Variants in SANBR observed in about 807,000 individuals in gnomAD.
The protein encoded by SANBR is SANT and BTB domain regulator of class switch recombination.
A neutral mutation model predicts 101.8 loss-of-function variants in SANBR; 77 were observed. The ratio of observed to expected loss-of-function variants is 0.76; its 90% CI spans 0.63 to 0.91. The LOEUF is 0.91. SANBR is among the 40% of genes least tolerant of loss of function. The pLI, the probability that SANBR is intolerant of heterozygous loss-of-function variation, is 0.00. For missense variants in SANBR, 875 were observed against 853.0 expected (o/e 1.03, Z -0.32); for synonymous variants, 279 against 274.7 (o/e 1.02, Z -0.15).
chr2:61,068,664 T>C (rs1162454735), intron 1 of SANBR, among the ~76,000 whole-genome samples, 185 bp from the exon 2 acceptor site: 2 of 152,212 alleles, frequency 1.3e-5, no homozygotes, highest in Non-Finnish European at 2.9e-5. Context: ...GCATACTTCA[T>C]TGGAATGTTA....
chr2:61,134,095 TC>T, intron 20 of SANBR: 1 of 1,605,322 alleles, frequency 6.2e-7, no homozygotes, highest in Non-Finnish European at 8.5e-7. Context: ...GGTGTGTATA[TC>T]CATCATGCAT....
In SANBR at chr2:61,123,719, C is replaced by T. The variant is rs533994456; in HGVS notation, c.*1557C>T. 3 of 985,176 alleles carry T rather than the reference C, an allele frequency of 3.0e-6. No homozygotes were observed. Among genetic ancestry groups the T allele is most frequent in the Non-Finnish European group, 3.6e-6 (3 of 829,734 alleles). 61.0% of individuals were successfully genotyped at this position (985,176 alleles called of 1,614,324 possible). On this transcript the variant is annotated 3_prime_UTR_variant, in exon 22 of 22. Coordinates refer to ENST00000402291, the MANE Select transcript of SANBR (RefSeq NM_001129993.3). ...TGATTTTTAACTGATGGTAAAAAGG[C>T]AAACTGCTTCTCCCCTGGGAGGCCT...
intron 20 of SANBR, among the ~76,000 whole-genome samples, 187 bp downstream of exon 20, chr2:61,118,303 G>A (rs1281709231): frequency 1.3e-5 from 2 of 152,110 alleles, no homozygotes; most frequent in African/African-American, 4.8e-5. Flanking sequence ...ATGCAGTGGT[G>A]CAATCTCGGC....
chr2:61,081,525 A>T lies in SANBR; in HGVS notation c.729+15A>T. On this transcript the variant is annotated intron_variant, in intron 7 of 21. Coordinates refer to ENST00000402291, the MANE Select transcript of SANBR (RefSeq NM_001129993.3). ...TGGATTCACTAGTAAGTATTGACTT[A>T]AAAAAAATCAAAGTGCTTCTGTTCA... is the stretch of plus-strand genomic sequence containing the variant. 2 of 1,523,026 alleles carry T rather than the reference A, an allele frequency of 1.3e-6. No homozygotes were observed. The highest frequency in any genetic ancestry group is 1.4e-5 in the African/African-American group (1 of 69,402). The allele number at this position is 1,523,026 out of a possible 1,614,324, so 94.3% of individuals were successfully genotyped here. A position where few individuals can be genotyped will look rare whatever the true frequency, so the allele number is the denominator to read the frequency against.
chr2:61,094,421 G>A (rs571675519), intron 11 of SANBR, among the ~76,000 whole-genome samples: 1 of 152,234 alleles, frequency 6.6e-6, no homozygotes, highest in African/African-American at 2.4e-5. Flanking sequence ...AATAATGGAT[G>A]TAAAATCTAT....
intron 11 of SANBR, chr2:61,094,099 C>T: frequency 1.0e-5 from 10 of 981,318 alleles, no homozygotes; most frequent in Non-Finnish European, 1.2e-5. Context: ...TTTAAGTTCC[C>T]ACTCAATGGG....
In SANBR at chr2:61,081,793, C is replaced by T. The variant is rs981333031; in HGVS notation, c.729+283C>T. On this transcript the variant is annotated intron_variant, in intron 7 of 21. Coordinates refer to ENST00000402291, the MANE Select transcript of SANBR (RefSeq NM_001129993.3). ...CCTCCCGAGTAGCTGGGACTACAGG[C>T]GCATGCCACTACGCCCAGCTAATTT... Among the ~76,000 whole-genome samples, 11 of 152,024 alleles carry T rather than the reference C, an allele frequency of 7.2e-5. No homozygotes were observed. In the East Asian group the frequency reaches 1.9e-3, roughly 27 times the overall value.
At chr2:61,136,992 GATA>G (rs745464773) in intron 21 of SANBR, among the ~76,000 whole-genome samples, 7 of 149,110 alleles carry the variant, frequency 4.7e-5, no homozygotes, top group East Asian at 2.0e-4. Context: ...CAACAACAAC[GATA>G]ATAATAATAA....
At chr2:61,102,256 G>A (rs1363348640) in intron 12 of SANBR, among the ~76,000 whole-genome samples, 1 of 148,216 alleles carries the variant, frequency 6.7e-6, no homozygotes, top group African/African-American at 2.5e-5. Context: ...TGCGCCTGTA[G>A]TCCCAGCTAC....
chr2:61,085,736 C>A (rs1682392146), intron 8 of SANBR, among the ~76,000 whole-genome samples: 1 of 152,128 alleles, frequency 6.6e-6, no homozygotes, highest in African/African-American at 2.4e-5. Context: ...GTCTTGAACT[C>A]CTGACCTCAG....
chr2:61,133,926 G>A lies in SANBR; in HGVS notation c.2029-211G>A, dbSNP rs1012058977. Among the ~76,000 whole-genome samples, 6 of 152,152 alleles carry A rather than the reference G, an allele frequency of 3.9e-5. 1 individual carries two copies. Among genetic ancestry groups the A allele is most frequent in the African/African-American group, 1.2e-4 (5 of 41,444 alleles). On this transcript the variant is annotated intron_variant, in intron 20 of 21. Transcript: ENST00000295031. ...CCACTGGATTGTACCATTTAAATGG[G>A]CGAATTGTATGATATGTGGATTATA... is the stretch of plus-strand genomic sequence containing the variant.
chr2:61,104,264 C>CTT (rs2104931933), intron 13 of SANBR, among the ~76,000 whole-genome samples: 1 of 151,804 alleles, frequency 6.6e-6, no homozygotes, highest in East Asian at 1.9e-4. Flanking sequence ...GGGCGGATCA[C>CTT]GAGGTCAGGA....
chr2:61,099,476 C>CTAT, intron 12 of SANBR, among the ~76,000 whole-genome samples: 1 of 152,186 alleles, frequency 6.6e-6, no homozygotes, highest in East Asian at 1.9e-4. Context: ...GCTGGTGGTG[C>CTAT]CATTCACTGA....
chr2:61,134,121 A>G, intron 20 of SANBR: 1 of 1,613,930 alleles, frequency 6.2e-7, no homozygotes, highest in Non-Finnish European at 8.5e-7. Flanking sequence ...TAGTGTTATT[A>G]TCTGCTTTTT....
intron 5 of SANBR, among the ~76,000 whole-genome samples, chr2:61,075,790 CTAGT>C (rs774294101): frequency 6.6e-6 from 1 of 151,662 alleles, no homozygotes; most frequent in Non-Finnish European, 1.5e-5. Flanking sequence ...CAAAGCCATG[CTAGT>C]TATTCATTTG....
intron 19 of SANBR, 91 bp from the exon 20 acceptor site, chr2:61,117,937 A>C: frequency 1.1e-6 from 1 of 921,290 alleles, no homozygotes; most frequent in African/African-American, 1.7e-5. Context: ...GGATATTTTC[A>C]TAAACCCTAG....
chr2:61,123,415 C>G lies in SANBR; in HGVS notation c.*1253C>G, dbSNP rs1684411857. 1.0e-6 allele frequency: 1 copy of G among 984,876 alleles called. No homozygotes were observed. Among genetic ancestry groups the G allele is most frequent in the Non-Finnish European group, 1.2e-6 (1 of 829,346 alleles). 61.0% of individuals were successfully genotyped at this position (984,876 alleles called of 1,614,324 possible). A position where few individuals can be genotyped will look rare whatever the true frequency, so the allele number is the denominator to read the frequency against. On this transcript the variant is annotated 3_prime_UTR_variant, in exon 22 of 22. Coordinates refer to ENST00000402291, the MANE Select transcript of SANBR (RefSeq NM_001129993.3). ...TGAGTCTTTTAGTTGATAAATGAAG[C>G]TAGATGTTATTTGATAACTGGCTTT...
intron 11 of SANBR, chr2:61,094,171 T>C (rs748370962): frequency 1.6e-5 from 9 of 570,040 alleles, no homozygotes; most frequent in Non-Finnish European, 2.0e-5. Context: ...AAATGCATCC[T>C]TTTTGTGAGT....
chr2:61,132,856 A>G (rs1465040204), intron 20 of SANBR, among the ~76,000 whole-genome samples: 1 of 152,260 alleles, frequency 6.6e-6, no homozygotes, highest in African/African-American at 2.4e-5. Context: ...ATATTTTGCT[A>G]AGTGAAAGAA....
Sources: allele counts gnomAD v4.1 joint callset (sites outside exome capture counted in the v4.1 genomes callset), GRCh38; gene constraint gnomAD v4.1.1; transcripts MANE v1.5; gene names NCBI Gene and HGNC (gene_info 2026-07-23, HGNC 2026-07-21).